Variants in HPS3 observed in about 807,000 individuals in gnomAD.
HPS3 encodes the protein HPS3 biogenesis of lysosomal organelles complex 2 subunit 1.
Under a neutral mutation model 110.9 loss-of-function variants are expected in HPS3, and 79 were observed. That is an observed-to-expected ratio of 0.71 (90% CI 0.59 to 0.86). The LOEUF is 0.86. Among genes scored for constraint, HPS3 ranks in the 40% least tolerant of loss-of-function variants. The pLI, the probability that HPS3 is intolerant of heterozygous loss-of-function variation, is 0.00. For missense variants in HPS3, 1,197 were observed against 1,206.2 expected (o/e 0.99, Z 0.11); for synonymous variants, 428 against 451.0 (o/e 0.95, Z 0.65).
At chr3:149,141,500 C>T (rs1722452534) in intron 4 of HPS3, 120 bp downstream of exon 4, 6 of 719,384 alleles carry the variant, frequency 8.3e-6, no homozygotes, top group Non-Finnish European at 1.2e-5. Flanking sequence ...CTGGAGTCTC[C>T]TTGTGGCCCT....
intron 13 of HPS3, 93 bp from the exon 14 acceptor site, chr3:149,163,749 G>A (rs1336329849): frequency 1.2e-5 from 9 of 734,726 alleles, no homozygotes; most frequent in Non-Finnish European, 1.9e-5. Flanking sequence ...CTATGACATG[G>A]CAGAGAATTA....
chr3:149,150,374 C>G lies in HPS3; in HGVS notation c.1164-225C>G, dbSNP rs2689230. Among the ~76,000 whole-genome samples the G allele has an allele frequency of 0.21, 32,235 of 151,976 alleles. 3,662 individuals carry two copies. Among genetic ancestry groups the G allele is most frequent in the South Asian group, 0.3 (1,449 of 4,814 alleles). ...GTCCAGATTCAGCCCCTAGAGATTG[C>G]GATTCACTAGGGGTGTTATGGGGAC... is the stretch of plus-strand genomic sequence containing the variant. On this transcript the variant is annotated intron_variant, in intron 5 of 16. Coordinates refer to ENST00000296051, the MANE Select transcript of HPS3 (RefSeq NM_032383.5).
chr3:149,145,867 T>C (rs1400760292), intron 5 of HPS3, among the ~76,000 whole-genome samples: 1 of 152,218 alleles, frequency 6.6e-6, no homozygotes, highest in Non-Finnish European at 1.5e-5. Context: ...TCTTTAAGTT[T>C]CTTTTTAGAT....
rs397710976 is a variant in HPS3 at position 149,167,992 on chromosome 3, AT to A, written c.2887+19del. On this transcript the variant is annotated intron_variant, in intron 16 of 16. Coordinates refer to ENST00000296051, the MANE Select transcript of HPS3 (RefSeq NM_032383.5). The stretch of plus-strand genomic sequence containing the variant: ...CCTGTCATCATTAAAAGGTAAAATG[AT>A]TTTTTTTTTGCTTGATTATAAACTT... 2.1e-3 allele frequency: 2,637 copies of A among 1,278,470 alleles called. No homozygotes were observed. Among genetic ancestry groups the A allele is most frequent in the Middle Eastern group, 2.7e-3 (14 of 5,178 alleles). 79.2% of individuals were successfully genotyped at this position (1,278,470 alleles called of 1,614,324 possible).
chr3:149,135,573 G>A (rs559231406), intron 1 of HPS3, among the ~76,000 whole-genome samples: 8 of 152,252 alleles, frequency 5.3e-5, no homozygotes, highest in African/African-American at 1.7e-4. Flanking sequence ...GCAGAACTGC[G>A]AGTCAATTAA....
chr3:149,156,607 G>T (rs541093461), intron 8 of HPS3, among the ~76,000 whole-genome samples: 1 of 150,168 alleles, frequency 6.7e-6, no homozygotes, highest in African/African-American at 2.5e-5. Context: ...TTCAGATTAT[G>T]CATTTTCAGC....
At chr3:149,133,448 G>A (rs1259659269) in intron 1 of HPS3, among the ~76,000 whole-genome samples, 3 of 151,984 alleles carry the variant, frequency 2.0e-5, no homozygotes, top group South Asian at 2.1e-4. Context: ...ACAGGCATGC[G>A]CTACCACTTG....
chr3:149,143,633 G>A (rs895844509), intron 4 of HPS3, among the ~76,000 whole-genome samples: 9 of 152,200 alleles, frequency 5.9e-5, no homozygotes, highest in Admixed American at 4.6e-4. Flanking sequence ...GGCCGTAATG[G>A]ATGATAGAGA....
chr3:149,145,539 A>G lies in HPS3; in HGVS notation c.1156A>G (p.Ile386Val), dbSNP rs1314865936. 6.2e-7 allele frequency: 1 copy of G among 1,613,742 alleles called. No individual in the cohort carries two copies. The highest frequency in any genetic ancestry group is 8.5e-7 in the Non-Finnish European group (1 of 1,179,616). ...ACTCACGCCACAATTTTTGCACGTCATTACAAGGTACTGTTAGAGGGTCAC... is the reference window on the plus strand; with the variant it reads ...ACTCACGCCACAATTTTTGCACGTCGTTACAAGGTACTGTTAGAGGGTCAC... Reference protein sequence around the residue: ...AVLTPQFLHVITSNNLQCFTV... With the variant: ...AVLTPQFLHVVTSNNLQCFTV... The change falls in exon 5 of 17, where the codon ATT (isoleucine) becomes GTT (valine). Residue 386 changes from isoleucine to valine, a missense_variant. Transcript: ENST00000296051.
intron 4 of HPS3, among the ~76,000 whole-genome samples, chr3:149,143,674 A>C (rs1361752847): frequency 1.3e-5 from 2 of 152,222 alleles, no homozygotes; most frequent in African/African-American, 4.8e-5. Flanking sequence ...ATGGGAACCA[A>C]CATTATATGA....
intron 6 of HPS3, among the ~76,000 whole-genome samples, 166 bp from the exon 7 acceptor site, chr3:149,153,328 A>G (rs1244398357): frequency 1.3e-5 from 2 of 152,212 alleles, no homozygotes; most frequent in South Asian, 2.1e-4. Flanking sequence ...TTCTGTTAAG[A>G]ATAGGAATCT....
chr3:149,157,865 T>C (rs1723551649), intron 9 of HPS3, among the ~76,000 whole-genome samples: 1 of 152,364 alleles, frequency 6.6e-6, no homozygotes, highest in South Asian at 2.1e-4. Flanking sequence ...ATATATTTTG[T>C]TAGTAAAGTT....
Position 149,158,743 on chromosome 3 carries a change from G to T in HPS3, c.1769G>T (p.Arg590Leu). The change falls in exon 10 of 17, where the codon CGC (arginine) becomes CTC (leucine). Residue 590 changes from arginine (R) to leucine (L), a missense_variant. By Grantham distance (102) the Arg-to-Leu change is moderately radical. Coordinates refer to ENST00000296051, the MANE Select transcript of HPS3 (RefSeq NM_032383.5). ...TTGTCTATGGCTGAAGTTCTGGCCC[G>T]CACGGACTGGACAGTAGAGGATGGA... ...SGLSMAEVLA[R>L]TDWTVEDGLQ... is the part of the protein sequence containing the mutation. The T allele has an allele frequency of 6.2e-7, 1 of 1,612,662 alleles. No individual in the cohort carries two copies. The highest frequency in any genetic ancestry group is 8.5e-7 in the Non-Finnish European group (1 of 1,178,794).
intron 5 of HPS3, among the ~76,000 whole-genome samples, chr3:149,146,517 G>C (rs535724921): frequency 6.6e-6 from 1 of 152,188 alleles, no homozygotes; most frequent in Non-Finnish European, 1.5e-5. Context: ...AACAAAAACT[G>C]TATCAAGTTT....
chr3:149,157,353 G>C lies in HPS3; in HGVS notation c.1513G>C (p.Asp505His). The C allele has an allele frequency of 6.2e-7, 1 of 1,612,848 alleles. No individual in the cohort carries two copies. The highest frequency in any genetic ancestry group is 8.5e-7 in the Non-Finnish European group (1 of 1,179,204). The change falls in exon 9 of 17, where the codon GAC (aspartate) becomes CAC (histidine). Residue 505 changes from aspartate (D) to histidine (H), a missense_variant. Coordinates refer to ENST00000296051, the MANE Select transcript of HPS3 (RefSeq NM_032383.5). ...SPVQLYKEMV[D>H]YSNTYKTVKT... ...AGTGTTTGTCTTTTTTGTTTAGGTA[G>C]ACTATAGCAATACCTATAAGACTGT...
chr3:149,172,058 A>G (rs772232725), intron 16 of HPS3, 37 bp from the exon 17 acceptor site: 7 of 1,601,628 alleles, frequency 4.4e-6, no homozygotes, highest in Non-Finnish European at 6.0e-6. Flanking sequence ...TGAAAGACAG[A>G]CTTTCAATTC....
At chr3:149,162,555 T>C (rs2108169569) in intron 12 of HPS3, 135 bp from the exon 13 acceptor site, 1 of 1,093,002 alleles carries the variant, frequency 9.1e-7, no homozygotes, top group East Asian at 2.4e-5. Flanking sequence ...CTAAATTTGC[T>C]TTTGCCATGG....
At chr3:149,141,618 C>T (rs1441281157) in intron 4 of HPS3, among the ~76,000 whole-genome samples, 1 of 144,482 alleles carries the variant, frequency 6.9e-6, no homozygotes, top group Non-Finnish European at 1.5e-5. Context: ...ACTGCAACTT[C>T]TACTTCCTGG....
In HPS3 at chr3:149,141,375, A is replaced by C. The variant is rs1470656695; in HGVS notation, c.965A>C (p.Gln322Pro). 15 of 1,611,840 alleles carry C rather than the reference A, an allele frequency of 9.3e-6. No individual in the cohort carries two copies. Among genetic ancestry groups the C allele is most frequent in the Non-Finnish European group, 1.2e-5 (14 of 1,177,964 alleles). The stretch of plus-strand genomic sequence containing the variant: ...TCCCTCCAGCTGCTACCCATTTACC[A>C]GACCGGTAAGCATGACAGTGCAGGA... ...LHSLQLLPIY[Q>P]TGSLTSDGKN... The change falls in exon 4 of 17, where the codon CAG (glutamine) becomes CCG (proline). Residue 322 changes from glutamine (Q) to proline (P), a missense_variant. Gln to Pro is a moderately conservative substitution (Grantham distance 76, BLOSUM62 -1). Coordinates refer to ENST00000296051, the MANE Select transcript of HPS3 (RefSeq NM_032383.5).
Sources: allele counts gnomAD v4.1 joint callset (sites outside exome capture counted in the v4.1 genomes callset), GRCh38; gene constraint gnomAD v4.1.1; transcripts MANE v1.5; gene names NCBI Gene and HGNC (gene_info 2026-07-23, HGNC 2026-07-21).